The following CNTN4 variants were observed in gnomAD, a reference collection of about 807,000 sequenced individuals.
CNTN4 encodes contactin-4.
In CNTN4, 77 loss-of-function variants were observed where a neutral mutation model predicts 122.5. That is an observed-to-expected ratio of 0.63 (90% confidence interval 0.52 to 0.76). The LOEUF (loss-of-function observed/expected upper bound fraction) is 0.76, where lower values mean the gene tolerates loss of function less well. Among genes scored for constraint, CNTN4 ranks in the 30% least tolerant of loss-of-function variants. The pLI is 0.00. For synonymous variants in CNTN4, 512 were observed against 447.0 expected, an observed-to-expected ratio of 1.15 and a Z score of -1.83; for missense variants, 1,256 against 1,259.1, an observed-to-expected ratio of 1.00 and a Z score of 0.04.
At chr3:2,277,778 A>G (rs2041572023) in intron 2 of CNTN4, among the ~76,000 whole-genome samples, 1 of 152,178 alleles carries the variant, frequency 6.6e-6, no homozygotes, top group Non-Finnish European at 1.5e-5. Context: ...AGATGCACCT[A>G]CATGGCTCAT....
At chr3:2,869,016 C>T (rs575054902) in intron 8 of CNTN4, among the ~76,000 whole-genome samples, 1 of 152,148 alleles carries the variant, frequency 6.6e-6, no homozygotes, top group South Asian at 2.1e-4. Context: ...TGAAAAAAAG[C>T]ACTCAGCATG....
chr3:2,233,435 C>T (rs2149558796), intron 2 of CNTN4, among the ~76,000 whole-genome samples: 1 of 152,252 alleles, frequency 6.6e-6, no homozygotes, highest in South Asian at 2.1e-4. Flanking sequence ...ATATATTCTG[C>T]ATTCTCCGTT....
intron 3 of CNTN4, among the ~76,000 whole-genome samples, chr3:2,472,796 G>C (rs1235160792): frequency 6.6e-6 from 1 of 152,202 alleles, no homozygotes; most frequent in Non-Finnish European, 1.5e-5. Flanking sequence ...AGAAGTTGTA[G>C]AGAGAACCAT....
intron 4 of CNTN4, among the ~76,000 whole-genome samples, chr3:2,621,611 C>G (rs929879148): frequency 2.0e-5 from 3 of 151,712 alleles, no homozygotes; most frequent in Admixed American, 6.6e-5. Context: ...CAAACCTGCA[C>G]GTTCTGCACA....
chr3:2,939,264 C>T (rs1238339513), intron 13 of CNTN4, among the ~76,000 whole-genome samples: 1 of 152,060 alleles, frequency 6.6e-6, no homozygotes, highest in East Asian at 1.9e-4. Context: ...TATATAATTA[C>T]AACATATGGC....
chr3:2,161,102 C>G (rs1303060198), intron 2 of CNTN4, among the ~76,000 whole-genome samples: 1 of 151,946 alleles, frequency 6.6e-6, no homozygotes, highest in Non-Finnish European at 1.5e-5. Context: ...TAGGCATGAC[C>G]TAAGGTATAA....
intron 2 of CNTN4, chr3:2,238,903 TTTTA>T (rs1181730420): frequency 1.1e-4 from 12 of 113,022 alleles, no homozygotes; most frequent in Admixed American, 3.1e-4. Context: ...ATTTTTGTAT[TTTTA>T]GTAGAGACGG....
intron 3 of CNTN4, among the ~76,000 whole-genome samples, chr3:2,550,257 C>T (rs1010433266): frequency 1.1e-4 from 17 of 152,058 alleles, no homozygotes; most frequent in African/African-American, 4.1e-4. Context: ...AATTTGTTTG[C>T]TCTTGCTTCT....
chr3:3,046,247 G>A (rs1398487713), intron 23 of CNTN4, among the ~76,000 whole-genome samples: 1 of 152,148 alleles, frequency 6.6e-6, no homozygotes, highest in Non-Finnish European at 1.5e-5. Context: ...AGCAAGGCAG[G>A]CCAACATTCA....
chr3:2,920,804 T>G (rs537399215), intron 12 of CNTN4, among the ~76,000 whole-genome samples: 73 of 83,512 alleles, frequency 8.7e-4, no homozygotes, highest in African/African-American at 2.7e-3. Flanking sequence ...AAAATTCTTT[T>G]GTTTCATAAT....
intron 13 of CNTN4, among the ~76,000 whole-genome samples, chr3:2,981,425 CAG>C (rs755010377): frequency 1.8e-4 from 27 of 152,052 alleles, no homozygotes; most frequent in East Asian, 7.8e-4. Flanking sequence ...GCCTGGGCGA[CAG>C]AGCGAGACTC....
At chr3:2,099,478 C>G (rs1472056232) in intron 1 of CNTN4, 1 of 152,446 alleles carries the variant, frequency 6.6e-6, no homozygotes, top group African/African-American at 2.4e-5. Context: ...GGGACGCGAA[C>G]CTGGGGAGTG....
At chr3:2,569,660 A>G (rs2079332831) in intron 3 of CNTN4, among the ~76,000 whole-genome samples, 1 of 152,128 alleles carries the variant, frequency 6.6e-6, no homozygotes, top group African/African-American at 2.4e-5. Flanking sequence ...CCCTTGAAAC[A>G]AGATTCAAAG....
intron 4 of CNTN4, among the ~76,000 whole-genome samples, chr3:2,707,990 G>A (rs978278439): frequency 2.0e-5 from 3 of 152,000 alleles, no homozygotes; most frequent in Admixed American, 2.0e-4. Context: ...TTTGATATAT[G>A]GTAGAATTTT....
chr3:3,052,613 G>A (rs181946306), intron 23 of CNTN4, among the ~76,000 whole-genome samples: 2 of 152,296 alleles, frequency 1.3e-5, no homozygotes, highest in East Asian at 3.9e-4. Flanking sequence ...CCTGATTGGA[G>A]TAAATCCAAT....
chr3:2,309,311 T>C (rs978198552), intron 2 of CNTN4, among the ~76,000 whole-genome samples: 1 of 152,182 alleles, frequency 6.6e-6, no homozygotes, highest in African/African-American at 2.4e-5. Context: ...TATGTCCTTT[T>C]CTGTCTTTTA....
intron 6 of CNTN4, among the ~76,000 whole-genome samples, chr3:2,774,702 G>T (rs896334835): frequency 6.6e-6 from 1 of 152,104 alleles, no homozygotes; most frequent in Non-Finnish European, 1.5e-5. Flanking sequence ...GTGTCTCTTT[G>T]TTTTCATTTG....
chr3:2,198,975 G>A (rs2037971048), intron 2 of CNTN4, among the ~76,000 whole-genome samples: 1 of 152,182 alleles, frequency 6.6e-6, no homozygotes, highest in African/African-American at 2.4e-5. Flanking sequence ...GACTGGGGAA[G>A]CCGAATCATC....
chr3:2,840,892 A>C (rs576351589), intron 7 of CNTN4, among the ~76,000 whole-genome samples: 81 of 152,014 alleles, frequency 5.3e-4, no homozygotes, highest in Admixed American at 1.2e-3. Context: ...AGGCTTGCAT[A>C]AGGTCACCTG....
Sources: allele counts gnomAD v4.1 joint callset (sites outside exome capture counted in the v4.1 genomes callset), GRCh38; gene constraint gnomAD v4.1.1; transcripts MANE v1.5; gene names NCBI Gene and HGNC (gene_info 2026-07-23, HGNC 2026-07-21).